Variants in ZNF724 observed in about 807,000 individuals in gnomAD.
ZNF724 encodes the protein zinc finger protein 724 pseudogene.
Under a neutral mutation model 29.3 loss-of-function variants are expected in ZNF724, and 14 were observed. The observed-to-expected ratio is 0.48, with a 90% CI of 0.32 to 0.75. The LOEUF is 0.75. Ranked by LOEUF, ZNF724 falls within the 30% of genes least tolerant of loss-of-function variation. The probability of loss-of-function intolerance (pLI) is 0.04; values close to 1 mark genes in which losing one functional copy is unlikely to be tolerated. For missense variants in ZNF724, 557 were observed against 571.2 expected (o/e 0.98, Z 0.25); for synonymous variants, 180 against 193.6 (o/e 0.93, Z 0.58).
intron 1 of ZNF724, among the ~76,000 whole-genome samples, chr19:23,238,167 C>T (rs1421499579): frequency 6.6e-6 from 1 of 152,030 alleles, no homozygotes; most frequent in Non-Finnish European, 1.5e-5. Context: ...AGATGGAGAC[C>T]ATCCTGGCTA....
At chr19:23,249,827 C>A (rs1011984513) in intron 1 of ZNF724, among the ~76,000 whole-genome samples, 2 of 152,180 alleles carry the variant, frequency 1.3e-5, no homozygotes, top group African/African-American at 4.8e-5. Context: ...AACCAAAGCG[C>A]CCGGCCTGCC....
At chr19:23,250,117 G>C (rs369510578) in intron 1 of ZNF724, 123 bp downstream of exon 1, 1 of 541,894 alleles carries the variant, frequency 1.8e-6, no homozygotes. Context: ...AGCTGGGCAA[G>C]GAGAACTCAG....
chr19:23,238,657 G>A (rs561348010), intron 1 of ZNF724, among the ~76,000 whole-genome samples: 1 of 152,182 alleles, frequency 6.6e-6, no homozygotes, highest in African/African-American at 2.4e-5. Context: ...GCTCATGCCT[G>A]TAATCTCTGC....
intron 1 of ZNF724, among the ~76,000 whole-genome samples, chr19:23,238,160 T>C (rs1972054164): frequency 6.6e-6 from 1 of 151,824 alleles, no homozygotes; most frequent in Admixed American, 6.6e-5. Context: ...GGTCAGGAGA[T>C]GGAGACCATC....
intron 1 of ZNF724, among the ~76,000 whole-genome samples, chr19:23,243,850 G>T (rs1270497233): frequency 1.3e-5 from 2 of 150,400 alleles, no homozygotes; most frequent in Non-Finnish European, 2.9e-5. Context: ...TTGAACCCAG[G>T]AAGCGGAGGC....
chr19:23,231,421 G>T, intron 2 of ZNF724, 60 bp from the exon 3 acceptor site: 1 of 1,107,590 alleles, frequency 9.0e-7, no homozygotes, highest in African/African-American at 1.6e-5. Flanking sequence ...AATGTGCTCA[G>T]TAAAAAGGGT....
In ZNF724 at chr19:23,243,491, A is replaced by T. The variant is rs910156494; in HGVS notation, c.3+6749T>A. Among the ~76,000 whole-genome samples the T allele has an allele frequency of 7.1e-4, 107 of 150,108 alleles. 5 individuals are homozygous for T. In the East Asian group the frequency reaches 0.018, roughly 25 times the overall value. On this transcript the variant is annotated intron_variant, in intron 1 of 3. Coordinates refer to ENST00000418100, the MANE Select transcript of ZNF724 (RefSeq NM_001355404.2). ...AGTCCATCTCAAAAAAAAAAAAAAA[A>T]AAAAAAAAAAGGTAAACTGATGCAG...
chr19:23,232,302 T>G lies in ZNF724; in HGVS notation c.4-9A>C, dbSNP rs758162860. On this transcript the variant is annotated splice_polypyrimidine_tract_variant and intron_variant, in intron 1 of 3. Transcript: ENST00000418100. ...ATAAATGTCAATGGTCCCTGAAAAG[T>G]ACACACACACATATTTACGAAGTGG... The G allele has an allele frequency of 4.2e-6, 5 of 1,200,428 alleles. No homozygotes were observed. The Admixed American group carries it at 5.4e-5, about 13-fold the overall frequency. 74.4% of individuals were successfully genotyped at this position (1,200,428 alleles called of 1,614,324 possible). A position where few individuals can be genotyped will look rare whatever the true frequency, so the allele number is the denominator to read the frequency against.
chr19:23,231,271 G>A lies in ZNF724; in HGVS notation c.221C>T (p.Pro74Leu). 7.4e-7 allele frequency: 1 copy of A among 1,343,782 alleles called. No individual in the cohort carries two copies. The highest frequency in any genetic ancestry group is 1.1e-6 in the Non-Finnish European group (1 of 940,900). The allele number at this position is 1,343,782 out of a possible 1,614,324, so 83.2% of individuals were successfully genotyped here. Residue 74 changes from proline to leucine, a missense_variant, in exon 3 of 4, where the codon CCC becomes CTC. Physicochemically the swap from Pro to Leu is moderately conservative, Grantham distance 98. This residue lies in a region of ZNF724 where 362 missense variants were observed against 295.5 expected (regional missense o/e 1.22). Transcript: ENST00000418100. ...TCATATTCACTCTCACCTACCTGGGGGTTTGGCCACCATCTCATGTCTCTC... is the reference window on the plus strand; with the variant it reads ...TCATATTCACTCTCACCTACCTGGGAGTTTGGCCACCATCTCATGTCTCTC... ...NMERHEMVAK[P>L]PGMCCYFAQD...
At position 23,250,374 on chromosome 19, in the gene ZNF724, G is replaced by A. The variant is rs1230186725; in HGVS notation, c.-132C>T. 8 of 467,874 alleles carry A rather than the reference G, an allele frequency of 1.7e-5. No homozygotes were observed. Among genetic ancestry groups the A allele is most frequent in the South Asian group, 8.3e-5 (5 of 60,290 alleles). The allele number at this position is 467,874 out of a possible 1,614,324, so 29.0% of individuals were successfully genotyped here. A position where few individuals can be genotyped will look rare whatever the true frequency, so the allele number is the denominator to read the frequency against. The stretch of plus-strand genomic sequence containing the variant: ...AGGGAAGACGAGACCAAGCGCTCCA[G>A]CTGCAGCGAGAGACAAAGGCCCCGC... On this transcript the variant is annotated 5_prime_UTR_variant, in exon 1 of 4. Transcript: ENST00000418100.
intron 1 of ZNF724, among the ~76,000 whole-genome samples, chr19:23,245,846 G>C (rs1305637885): frequency 6.6e-6 from 1 of 151,992 alleles, no homozygotes. Context: ...TAAAAGTCTA[G>C]AAACGCCTCA....
intron 1 of ZNF724, among the ~76,000 whole-genome samples, chr19:23,247,894 G>T (rs975737579): frequency 6.6e-6 from 1 of 152,158 alleles, no homozygotes; most frequent in Admixed American, 6.6e-5. Flanking sequence ...CCTTCTTCTT[G>T]AGAGGCTACA....
At position 23,232,313 on chromosome 19, in the gene ZNF724, A is replaced by G. The variant is rs746840440; in HGVS notation, c.4-20T>C. On this transcript the variant is annotated intron_variant, in intron 1 of 3. Transcript: ENST00000418100. ...TGGTCCCTGAAAAGTACACACACAC[A>G]TATTTACGAAGTGGCCATGGGCAAA... 5 of 1,179,294 alleles carry G rather than the reference A, an allele frequency of 4.2e-6. No homozygotes were observed. Among genetic ancestry groups the G allele is most frequent in the East Asian group, 4.7e-5 (2 of 42,696 alleles). The allele number at this position is 1,179,294 out of a possible 1,614,324, so 73.1% of individuals were successfully genotyped here.
chr19:23,234,553 G>A (rs1475054068), intron 1 of ZNF724, among the ~76,000 whole-genome samples: 1 of 151,998 alleles, frequency 6.6e-6, no homozygotes, highest in Non-Finnish European at 1.5e-5. Flanking sequence ...CTGGGTTAAA[G>A]AGATTCTCCA....
intron 1 of ZNF724, among the ~76,000 whole-genome samples, chr19:23,248,254 T>C (rs1299382096): frequency 6.6e-6 from 1 of 152,144 alleles, no homozygotes; most frequent in Non-Finnish European, 1.5e-5. Flanking sequence ...AAATACAGTA[T>C]GAAAAATATA....
Position 23,239,089 on chromosome 19 carries a change from G to A in ZNF724, c.4-6796C>T, listed in dbSNP as rs117162773. ...TATGAATAAAGCAAGTTCTTACGGA[G>A]AGCTATGAAGAGAGTTGGATTCTGA... On this transcript the variant is annotated intron_variant, in intron 1 of 3. Transcript: ENST00000418100. Among the ~76,000 whole-genome samples the A allele has an allele frequency of 7.5e-4, 114 of 152,242 alleles. 2 individuals are homozygous for A. In the East Asian group the frequency reaches 9.3e-3, roughly 12 times the overall value.
At chr19:23,244,140 G>T (rs1343075906) in intron 1 of ZNF724, among the ~76,000 whole-genome samples, 7 of 152,072 alleles carry the variant, frequency 4.6e-5, no homozygotes, top group Non-Finnish European at 1.0e-4. Flanking sequence ...CTGAAAGATT[G>T]GTTTGTGCTA....
Position 23,222,994 on chromosome 19 carries a change from G to A in ZNF724, c.1251C>T (p.Thr417=), listed in dbSNP as rs10411412. ...SHLTTHKRIH[T]GEKPYKCEEC... ...CTTCACATTTGTAGGGTTTCTCTCCGGTATGAATTCTTTTATGTGTGGTGA... is the reference window on the plus strand; with the variant it reads ...CTTCACATTTGTAGGGTTTCTCTCCAGTATGAATTCTTTTATGTGTGGTGA... Residue 417 remains threonine, a synonymous_variant, in exon 4 of 4, where the codon ACC becomes ACT. Coordinates refer to ENST00000418100, the MANE Select transcript of ZNF724 (RefSeq NM_001355404.2). 7.1e-4 allele frequency: 966 copies of A among 1,355,132 alleles called. 9 individuals are homozygous for A. In the African/African-American group the frequency reaches 0.011, roughly 16 times the overall value. The allele number at this position is 1,355,132 out of a possible 1,614,324, so 83.9% of individuals were successfully genotyped here. A position where few individuals can be genotyped will look rare whatever the true frequency, so the allele number is the denominator to read the frequency against.
intron 1 of ZNF724, among the ~76,000 whole-genome samples, chr19:23,247,634 T>C (rs7254300): frequency 0.48 from 73,548 of 152,082 alleles, 19,510 homozygotes; most frequent in East Asian, 0.68. Context: ...TGGCAAGTTC[T>C]TGTACTAGCT....
Sources: allele counts gnomAD v4.1 joint callset (sites outside exome capture counted in the v4.1 genomes callset), GRCh38; gene constraint gnomAD v4.1.1; regional missense constraint gnomAD v4.1.1; transcripts MANE v1.5; gene names NCBI Gene and HGNC (gene_info 2026-07-23, HGNC 2026-07-21).